PRKG1: variants seen among roughly 807,000 people sequenced by gnomAD.
PRKG1 encodes protein kinase cGMP-dependent 1, also known as cGMP-dependent protein kinase 1.
A neutral mutation model predicts 88.1 loss-of-function variants in PRKG1; 35 were observed. The observed-to-expected ratio is 0.40, with a 90% CI of 0.30 to 0.53. The LOEUF (loss-of-function observed/expected upper bound fraction) is 0.53. Among genes scored for constraint, PRKG1 ranks in the 20% least tolerant of loss-of-function variants. The pLI is 0.59. For missense variants in PRKG1, 540 were observed against 839.8 expected (o/e 0.64, Z 4.41); for synonymous variants, 303 against 292.5 (o/e 1.04, Z -0.37).
chr10:52,206,287 A>G (rs1839818185), intron 9 of PRKG1, among the ~76,000 whole-genome samples: 1 of 151,954 alleles, frequency 6.6e-6, no homozygotes, highest in South Asian at 2.1e-4. Flanking sequence ...CTAAATGGCC[A>G]TTTCCTCTTT....
chr10:51,380,469 T>C (rs1238267150), intron 2 of PRKG1, among the ~76,000 whole-genome samples: 1 of 152,202 alleles, frequency 6.6e-6, no homozygotes, highest in African/African-American at 2.4e-5. Context: ...ATTAGAAAGG[T>C]GCCTTTCACA....
chr10:51,791,598 G>C (rs1838870873), intron 3 of PRKG1, among the ~76,000 whole-genome samples: 3 of 152,036 alleles, frequency 2.0e-5, no homozygotes, highest in African/African-American at 7.2e-5. Flanking sequence ...ATAGATCTCA[G>C]AGTAGAATAT....
chr10:52,022,552 A>G (rs1158298002), intron 5 of PRKG1, among the ~76,000 whole-genome samples: 1 of 152,152 alleles, frequency 6.6e-6, no homozygotes, highest in Non-Finnish European at 1.5e-5. Context: ...TTATTCTTTA[A>G]GTATTTCAAG....
chr10:52,227,021 T>C (rs1840405713), intron 9 of PRKG1, among the ~76,000 whole-genome samples: 1 of 152,160 alleles, frequency 6.6e-6, no homozygotes, highest in Non-Finnish European at 1.5e-5. Context: ...AAAAATGTAA[T>C]TGGAGAATTT....
chr10:51,021,310 C>T (rs957757816), intron 1 of PRKG1, among the ~76,000 whole-genome samples: 2 of 152,180 alleles, frequency 1.3e-5, no homozygotes, highest in Non-Finnish European at 2.9e-5. Context: ...CAAAGAATCC[C>T]AGGGAGTAAG....
chr10:51,023,446 G>T (rs1290320480), intron 1 of PRKG1, among the ~76,000 whole-genome samples: 3 of 152,132 alleles, frequency 2.0e-5, no homozygotes, highest in African/African-American at 7.2e-5. Context: ...TATCTATAAA[G>T]CATTGAGAAG....
At chr10:51,956,718 TCTC>T (rs1843311686) in intron 5 of PRKG1, among the ~76,000 whole-genome samples, 1 of 152,046 alleles carries the variant, frequency 6.6e-6, no homozygotes, top group Non-Finnish European at 1.5e-5. Context: ...AACTCCTCTC[TCTC>T]TTTTTTACAT....
At chr10:51,471,866 C>T (rs1320918908) in intron 3 of PRKG1, among the ~76,000 whole-genome samples, 1 of 151,848 alleles carries the variant, frequency 6.6e-6, no homozygotes, top group Non-Finnish European at 1.5e-5. Context: ...ATAATCACCA[C>T]AGAAAGTTAT....
At chr10:51,127,276 A>G (rs552896347) in intron 1 of PRKG1, among the ~76,000 whole-genome samples, 15 of 152,260 alleles carry the variant, frequency 9.9e-5, no homozygotes, top group Admixed American at 3.3e-4. Context: ...AACAACAACA[A>G]CAACATCAAA....
intron 5 of PRKG1, among the ~76,000 whole-genome samples, chr10:51,947,169 A>G (rs191003076): frequency 0.11 from 16,935 of 151,038 alleles, 1,195 homozygotes; most frequent in East Asian, 0.34. Flanking sequence ...GGGCAATGGC[A>G]GGCTCCCCTC....
At chr10:51,474,845 G>A (rs867580864) in intron 3 of PRKG1, among the ~76,000 whole-genome samples, 6 of 151,870 alleles carry the variant, frequency 4.0e-5, no homozygotes, top group African/African-American at 7.3e-5. Flanking sequence ...TTAGCACTTC[G>A]TTGGTGAATC....
At chr10:51,373,741 T>C (rs2132613624) in intron 2 of PRKG1, among the ~76,000 whole-genome samples, 1 of 152,306 alleles carries the variant, frequency 6.6e-6, no homozygotes, top group African/African-American at 2.4e-5. Context: ...TCATGTCCTT[T>C]GCAGGAACAT....
chr10:52,251,398 G>A (rs1841165280), intron 9 of PRKG1, among the ~76,000 whole-genome samples, 172 bp from the exon 10 acceptor site: 1 of 152,070 alleles, frequency 6.6e-6, no homozygotes, highest in African/African-American at 2.4e-5. Context: ...ATGTTATTCT[G>A]CACAACTGGG....
chr10:52,287,231 A>G (rs1382841979), intron 14 of PRKG1, among the ~76,000 whole-genome samples: 1 of 152,064 alleles, frequency 6.6e-6, no homozygotes, highest in East Asian at 1.9e-4. Flanking sequence ...CAATCATAGA[A>G]TCAACTAAAG....
chr10:52,106,634 G>A (rs1282069637), intron 7 of PRKG1, among the ~76,000 whole-genome samples: 2 of 151,376 alleles, frequency 1.3e-5, no homozygotes, highest in Non-Finnish European at 2.9e-5. Flanking sequence ...ATTCCGGGAG[G>A]TGGAGCTTGC....
intron 7 of PRKG1, among the ~76,000 whole-genome samples, chr10:52,078,116 C>A (rs573515734): frequency 1.3e-5 from 2 of 152,312 alleles, no homozygotes; most frequent in Middle Eastern, 3.4e-3. Context: ...CACACACATT[C>A]TGTAAGAAGA....
chr10:51,876,826 C>G (rs1265370785), intron 4 of PRKG1, among the ~76,000 whole-genome samples: 1 of 152,090 alleles, frequency 6.6e-6, no homozygotes, highest in East Asian at 1.9e-4. Context: ...ACCCAGTTCC[C>G]TTGCACCGGG....
chr10:51,987,966 T>C (rs1312066812), intron 5 of PRKG1, among the ~76,000 whole-genome samples: 1 of 152,098 alleles, frequency 6.6e-6, no homozygotes, highest in Admixed American at 6.5e-5. Flanking sequence ...TGTTGTTAAC[T>C]TTATGCCATA....
intron 3 of PRKG1, among the ~76,000 whole-genome samples, chr10:51,800,409 T>C (rs1839137443): frequency 6.6e-6 from 1 of 152,068 alleles, no homozygotes. Flanking sequence ...CTACCAAACA[T>C]CATAGCTTTG....
Sources: gnomAD v4.1 joint callset for allele counts (sites outside exome capture counted in the v4.1 genomes callset) on GRCh38, gnomAD v4.1.1 for gene constraint, MANE v1.5 for transcripts, NCBI Gene and HGNC (gene_info 2026-07-23, HGNC 2026-07-21) for gene names.